Variants in LRPPRC observed in about 807,000 individuals in gnomAD.
LRPPRC encodes leucine-rich PPR motif-containing protein, mitochondrial.
A neutral mutation model predicts 180.3 loss-of-function variants in LRPPRC; 120 were observed. The ratio of observed to expected loss-of-function variants is 0.67; its 90% CI spans 0.57 to 0.77. The LOEUF is 0.77. Ranked by LOEUF, LRPPRC falls within the 30% of genes least tolerant of loss-of-function variation. The probability of loss-of-function intolerance (pLI) is 0.00; values close to 1 mark genes in which losing one functional copy is unlikely to be tolerated. For synonymous variants in LRPPRC, 723 were observed against 600.0 expected (o/e 1.21, Z -3.00); for missense variants, 2,012 against 1,657.2 (o/e 1.21, Z -3.72).
intron 1 of LRPPRC, among the ~76,000 whole-genome samples, chr2:43,985,946 C>T (rs917635119): frequency 1.3e-5 from 2 of 152,152 alleles, no homozygotes; most frequent in Non-Finnish European, 2.9e-5. Context: ...ATGAGAGTTC[C>T]TGTTGTCCTA....
In LRPPRC at chr2:43,890,113, G is replaced by T. The variant is rs1572883610; in HGVS notation, c.3986-237C>A. ...AATGACAAATATGGCTACATTTAAA[G>T]GACTTTAGAATAATATTGATACCAT... is the stretch of plus-strand genomic sequence containing the variant. On this transcript the variant is annotated intron_variant, in intron 36 of 37. Coordinates refer to ENST00000260665, the MANE Select transcript of LRPPRC (RefSeq NM_133259.4). 21 of 556,818 alleles carry T rather than the reference G, an allele frequency of 3.8e-5. No individual in the cohort carries two copies. In the South Asian group the frequency reaches 4.4e-4, roughly 12 times the overall value. 34.5% of individuals were successfully genotyped at this position (556,818 alleles called of 1,614,324 possible). A position where few individuals can be genotyped will look rare whatever the true frequency, so the allele number is the denominator to read the frequency against.
chr2:43,907,671 G>A (rs935603920), intron 30 of LRPPRC, among the ~76,000 whole-genome samples: 4 of 152,156 alleles, frequency 2.6e-5, no homozygotes, highest in Admixed American at 1.3e-4. Context: ...CTGGATAGCA[G>A]AGAATTCTAG....
intron 1 of LRPPRC, among the ~76,000 whole-genome samples, chr2:43,995,496 T>C (rs1178827912): frequency 2.0e-5 from 3 of 152,194 alleles, no homozygotes; most frequent in Non-Finnish European, 2.9e-5. Flanking sequence ...AAAGCAGTCT[T>C]CAAAGCCCCC....
In LRPPRC at chr2:43,888,382, T is replaced by C. The variant is rs949524933; in HGVS notation, c.*218A>G. 2.7e-5 allele frequency: 13 copies of C among 474,942 alleles called. No homozygotes were observed. Among genetic ancestry groups the C allele is most frequent in the African/African-American group, 7.9e-5 (4 of 50,678 alleles). The allele number at this position is 474,942 out of a possible 1,614,324, so 29.4% of individuals were successfully genotyped here. A position where few individuals can be genotyped will look rare whatever the true frequency, so the allele number is the denominator to read the frequency against. On this transcript the variant is annotated 3_prime_UTR_variant, in exon 38 of 38. Transcript: ENST00000260665. ...AGTATGGCTTCACACAGCAGCAGCA[T>C]TGAAGAAAACACTATCGATTTTTCC...
intron 12 of LRPPRC, among the ~76,000 whole-genome samples, chr2:43,962,214 G>A (rs758105641): frequency 2.6e-5 from 4 of 152,076 alleles, no homozygotes; most frequent in Non-Finnish European, 4.4e-5. Context: ...CTGTATTTCT[G>A]CAAAGAAAGA....
At position 43,905,690 on chromosome 2, in the gene LRPPRC, A is replaced by G. The variant is rs753677256; in HGVS notation, c.3364+2T>C. 6.2e-7 allele frequency: 1 copy of G among 1,608,080 alleles called. No homozygotes were observed. Among genetic ancestry groups the G allele is most frequent in the Non-Finnish European group, 8.5e-7 (1 of 1,174,444 alleles). On this transcript the variant is annotated splice_donor_variant, in intron 31 of 37. Coordinates refer to ENST00000260665, the MANE Select transcript of LRPPRC (RefSeq NM_133259.4). LOFTEE classifies it high-confidence loss of function. ...ACGTAAAGGTCAAGCATTGTGACAT[A>G]CCTTTCAAATAATCCCGCCTAACTT...
rs539374166 is a variant in LRPPRC, at chr2:43,948,624, G to A, written c.1736-106C>T. Reference sequence around the variant, plus strand: ...TTTTGGTGTGAGATGTCACCCTGATGAGAGGCTCTGAAATGGCAACAATGA... The same window carrying A: ...TTTTGGTGTGAGATGTCACCCTGATAAGAGGCTCTGAAATGGCAACAATGA... On this transcript the variant is annotated intron_variant, in intron 16 of 37. Transcript: ENST00000260665. 1.3e-4 allele frequency: 92 copies of A among 717,212 alleles called. No individual in the cohort carries two copies. The African/African-American group carries it at 1.5e-3, about 12-fold the overall frequency. 44.4% of individuals were successfully genotyped at this position (717,212 alleles called of 1,614,324 possible).
intron 37 of LRPPRC, 30 bp from the exon 38 acceptor site, chr2:43,888,686 G>C: frequency 1.6e-6 from 2 of 1,256,510 alleles, no homozygotes; most frequent in Non-Finnish European, 2.3e-6. Context: ...AGGGAAGTTA[G>C]AGATACCAGC....
At chr2:43,968,220 C>T (rs1673644113) in intron 11 of LRPPRC, among the ~76,000 whole-genome samples, 1 of 152,142 alleles carries the variant, frequency 6.6e-6, no homozygotes, top group Non-Finnish European at 1.5e-5. Context: ...GTGGCTTACA[C>T]ACTAGAAATG....
At position 43,896,666 on chromosome 2, in the gene LRPPRC, A is replaced by G. The variant is rs1670698042; in HGVS notation, c.3868T>C (p.Phe1290Leu). ...IAEQTPILLL[F>L]LLRNSRKQGK... ...TGTTTCCTAGAATTCCTAAGGAGGA[A>G]CAACAACAAAATCGGGGTTTGTTCA... Residue 1290 changes from phenylalanine to leucine, a missense_variant, in exon 35 of 38, where the codon TTC becomes CTC. Transcript: ENST00000260665. The G allele has an allele frequency of 2.5e-6, 4 of 1,612,472 alleles. No individual in the cohort carries two copies. Among genetic ancestry groups the G allele is most frequent in the East Asian group, 2.2e-5 (1 of 44,860 alleles).
At chr2:43,962,051 C>G (rs909226272) in intron 12 of LRPPRC, among the ~76,000 whole-genome samples, 1 of 152,162 alleles carries the variant, frequency 6.6e-6, no homozygotes. Flanking sequence ...ACACTCAATA[C>G]TACTGAAATT....
chr2:43,977,011 T>A lies in LRPPRC; in HGVS notation c.633A>T (p.Gly211=), dbSNP rs779269003. 5 of 1,613,216 alleles carry A rather than the reference T, an allele frequency of 3.1e-6. No individual in the cohort carries two copies. Among genetic ancestry groups the A allele is most frequent in the Non-Finnish European group, 4.2e-6 (5 of 1,179,470 alleles). Residue 211 remains glycine (G), a synonymous_variant, in exon 5 of 38, where the codon GGA becomes GGT. Transcript: ENST00000260665. ...QRLIASYCNV[G]DIEGASKILG... ...ATCCATACCTGGCACCTTCAATATC[T>A]CCTACATTACAATAAGAAGCAATCA... is the stretch of plus-strand genomic sequence containing the variant.
Position 43,946,097 on chromosome 2 carries a change from G to T in LRPPRC, c.2210+16C>A. 6.2e-7 allele frequency: 1 copy of T among 1,611,476 alleles called. No individual in the cohort carries two copies. Among genetic ancestry groups the T allele is most frequent in the South Asian group, 1.1e-5 (1 of 91,050 alleles). Reference sequence around the variant, plus strand: ...GAATAAATGTTGACAACTTGTTTCAGTGCCAGGGTACTCACAATTCTTCTT... The same window carrying T: ...GAATAAATGTTGACAACTTGTTTCATTGCCAGGGTACTCACAATTCTTCTT... On this transcript the variant is annotated intron_variant, in intron 21 of 37. Transcript: ENST00000260665.
intron 11 of LRPPRC, among the ~76,000 whole-genome samples, chr2:43,967,234 T>C (rs1673598647): frequency 6.6e-6 from 1 of 151,990 alleles, no homozygotes. Context: ...CCCCTGTTTC[T>C]ACCAAAAAAA....
At chr2:43,902,557 T>C (rs1260517891) in intron 31 of LRPPRC, 1 of 152,166 alleles carries the variant, frequency 6.6e-6, no homozygotes, top group African/African-American at 2.4e-5. Context: ...TTAGTGTTCA[T>C]TAATGAATAA....
intron 31 of LRPPRC, chr2:43,901,772 C>T: frequency 2.0e-6 from 1 of 492,984 alleles, no homozygotes. Flanking sequence ...ACAAATGTTA[C>T]CGACAATATG....
At chr2:43,901,034 G>C (rs984849337) in intron 32 of LRPPRC, among the ~76,000 whole-genome samples, 8 of 152,174 alleles carry the variant, frequency 5.3e-5, no homozygotes, top group African/African-American at 1.9e-4. Context: ...TCTGAACAAA[G>C]TGTTTCGACA....
chr2:43,890,550 AAAAATAC>A (rs761566025), intron 36 of LRPPRC, among the ~76,000 whole-genome samples: 22 of 152,260 alleles, frequency 1.4e-4, no homozygotes, highest in Non-Finnish European at 2.6e-4. Flanking sequence ...TGTCTCTACT[AAAAATAC>A]AAAAAATTAG....
intron 30 of LRPPRC, among the ~76,000 whole-genome samples, chr2:43,911,009 T>C (rs531237189): frequency 3.3e-5 from 5 of 152,024 alleles, no homozygotes; most frequent in East Asian, 3.9e-4. Flanking sequence ...ACAGAGAGGG[T>C]TGGGATGGAG....
Sources: allele counts gnomAD v4.1 joint callset (sites outside exome capture counted in the v4.1 genomes callset), GRCh38; gene constraint gnomAD v4.1.1; transcripts MANE v1.5; gene names NCBI Gene and HGNC (gene_info 2026-07-23, HGNC 2026-07-21).